Variants in UBE2E2 observed in about 807,000 individuals in gnomAD.
UBE2E2 encodes the protein ubiquitin conjugating enzyme E2 E2, also known as ubiquitin-conjugating enzyme E2 E2.
Under a neutral mutation model 24.7 loss-of-function variants are expected in UBE2E2, and 6 were observed. That is an observed-to-expected ratio of 0.24 (90% CI 0.13 to 0.48). The LOEUF is 0.48. UBE2E2 is among the 20% of genes least tolerant of loss of function. UBE2E2 has a pLI of 0.99. For synonymous variants in UBE2E2, 104 were observed against 83.6 expected (o/e 1.24, Z -1.33); for missense variants, 169 against 245.0 (o/e 0.69, Z 2.07).
intron 3 of UBE2E2, among the ~76,000 whole-genome samples, chr3:23,461,351 C>T (rs1698801312): frequency 6.6e-6 from 1 of 151,910 alleles, no homozygotes; most frequent in African/African-American, 2.4e-5. Flanking sequence ...GGTAACTTAT[C>T]TTTGTCTTTA....
At chr3:23,339,085 A>C (rs1035190566) in intron 3 of UBE2E2, among the ~76,000 whole-genome samples, 1 of 152,180 alleles carries the variant, frequency 6.6e-6, no homozygotes, top group Non-Finnish European at 1.5e-5. Flanking sequence ...ATAATGAGAC[A>C]TGGATATCAT....
At chr3:23,227,745 G>A (rs1696865554) in intron 3 of UBE2E2, among the ~76,000 whole-genome samples, 1 of 152,186 alleles carries the variant, frequency 6.6e-6, no homozygotes. Context: ...CTGCAGGTGG[G>A]ATAGCTGCAG....
At chr3:23,554,857 A>G (rs547982954) in intron 5 of UBE2E2, among the ~76,000 whole-genome samples, 3 of 152,166 alleles carry the variant, frequency 2.0e-5, no homozygotes, top group Non-Finnish European at 4.4e-5. Context: ...ATTTATTTTT[A>G]AAAAAACTCA....
chr3:23,540,124 TGTC>T (rs1015641768), intron 5 of UBE2E2, among the ~76,000 whole-genome samples: 1 of 152,126 alleles, frequency 6.6e-6, no homozygotes, highest in African/African-American at 2.4e-5. Flanking sequence ...AGGGCAGTGG[TGTC>T]GTCATAGCTC....
chr3:23,535,669 G>A (rs995357284), intron 5 of UBE2E2, among the ~76,000 whole-genome samples: 9 of 143,450 alleles, frequency 6.3e-5, no homozygotes, highest in African/African-American at 2.4e-4. Context: ...TGTCGCCCAG[G>A]CTGGATTGCA....
At chr3:23,369,010 G>A (rs114998255) in intron 3 of UBE2E2, among the ~76,000 whole-genome samples, 389 of 152,238 alleles carry the variant, frequency 2.6e-3, no homozygotes, top group African/African-American at 8.8e-3. Context: ...TGAAATGAAC[G>A]AAATTTAGAT....
chr3:23,546,699 C>G (rs1278842085), intron 5 of UBE2E2, among the ~76,000 whole-genome samples: 3 of 151,782 alleles, frequency 2.0e-5, no homozygotes, highest in African/African-American at 7.3e-5. Flanking sequence ...TCTCAAACTC[C>G]CAACCTCAGG....
At chr3:23,517,938 A>G (rs1694780695) in intron 4 of UBE2E2, among the ~76,000 whole-genome samples, 1 of 152,120 alleles carries the variant, frequency 6.6e-6, no homozygotes, top group Non-Finnish European at 1.5e-5. Context: ...GGGACAGGAG[A>G]TTCAGGAAGC....
At chr3:23,325,275 T>C (rs967514890) in intron 3 of UBE2E2, among the ~76,000 whole-genome samples, 1 of 152,194 alleles carries the variant, frequency 6.6e-6, no homozygotes, top group Non-Finnish European at 1.5e-5. Context: ...GTGTTTTGTA[T>C]AGTAAATATT....
chr3:23,457,041 G>T (rs1304489233), intron 3 of UBE2E2, among the ~76,000 whole-genome samples: 4 of 152,178 alleles, frequency 2.6e-5, no homozygotes, highest in Admixed American at 6.5e-5. Flanking sequence ...GAATGCTGAG[G>T]ATAGTTCCCA....
At chr3:23,294,699 A>C (rs1698863157) in intron 3 of UBE2E2, among the ~76,000 whole-genome samples, 1 of 146,568 alleles carries the variant, frequency 6.8e-6, no homozygotes, top group Non-Finnish European at 1.5e-5. Context: ...TATAATATTT[A>C]TATAATATAT....
At chr3:23,214,932 T>G (rs1696434626) in intron 2 of UBE2E2, among the ~76,000 whole-genome samples, 2 of 152,114 alleles carry the variant, frequency 1.3e-5, no homozygotes, top group African/African-American at 2.4e-5. Flanking sequence ...ATACACTTAT[T>G]TCTCATTGAA....
chr3:23,525,243 C>T (rs1694967378), intron 4 of UBE2E2, among the ~76,000 whole-genome samples: 1 of 152,102 alleles, frequency 6.6e-6, no homozygotes, highest in Non-Finnish European at 1.5e-5. Flanking sequence ...AGATTCTCCG[C>T]CTAATCACAA....
At chr3:23,265,914 C>G (rs965371777) in intron 3 of UBE2E2, among the ~76,000 whole-genome samples, 7 of 152,096 alleles carry the variant, frequency 4.6e-5, no homozygotes, top group African/African-American at 1.7e-4. Context: ...CCTTCTTTGT[C>G]TCTTTTGATC....
At chr3:23,507,510 G>A (rs1179949252) in intron 4 of UBE2E2, among the ~76,000 whole-genome samples, 1 of 152,214 alleles carries the variant, frequency 6.6e-6, no homozygotes, top group Non-Finnish European at 1.5e-5. Context: ...TTAAATGCAT[G>A]TAACTGTGCC....
chr3:23,286,619 C>T (rs1698621154), intron 3 of UBE2E2, among the ~76,000 whole-genome samples: 1 of 152,112 alleles, frequency 6.6e-6, no homozygotes, highest in Non-Finnish European at 1.5e-5. Flanking sequence ...CTTAGAATAG[C>T]TTTGGCTATT....
chr3:23,450,611 C>T (rs1361220264), intron 3 of UBE2E2, among the ~76,000 whole-genome samples: 1 of 151,934 alleles, frequency 6.6e-6, no homozygotes, highest in Non-Finnish European at 1.5e-5. Context: ...ACCAACATTG[C>T]CCTTATGTAG....
intron 3 of UBE2E2, among the ~76,000 whole-genome samples, chr3:23,486,059 C>T (rs1699361976): frequency 6.6e-6 from 1 of 152,188 alleles, no homozygotes; most frequent in Admixed American, 6.5e-5. Context: ...GGATTTGTTC[C>T]ACCCACTCGG....
intron 3 of UBE2E2, among the ~76,000 whole-genome samples, chr3:23,348,720 T>A (rs1036329019): frequency 6.6e-6 from 1 of 152,128 alleles, no homozygotes; most frequent in African/African-American, 2.4e-5. Context: ...AAGTTCCCTT[T>A]ATCTTAGAGG....
Sources: gnomAD v4.1 joint callset for allele counts (sites outside exome capture counted in the v4.1 genomes callset) on GRCh38, gnomAD v4.1.1 for gene constraint, MANE v1.5 for transcripts, NCBI Gene and HGNC (gene_info 2026-07-23, HGNC 2026-07-21) for gene names.